MEOX2: variants seen among roughly 807,000 people sequenced by gnomAD.
MEOX2 encodes homeobox protein MOX-2.
In MEOX2, 11 loss-of-function variants were observed where a neutral mutation model predicts 27.0. That is an observed-to-expected ratio of 0.41 (90% CI 0.26 to 0.68). The LOEUF (loss-of-function observed/expected upper bound fraction) is 0.68. MEOX2 is among the 30% of genes least tolerant of loss of function. The probability of loss-of-function intolerance (pLI) is 0.33; values close to 1 mark genes in which losing one functional copy is unlikely to be tolerated. For synonymous variants in MEOX2, 189 were observed against 155.4 expected, an observed-to-expected ratio of 1.22 and a Z score of -1.61; for missense variants, 436 against 385.4, an observed-to-expected ratio of 1.13 and a Z score of -1.10.
rs1039857950 is a variant in MEOX2, at chr7:15,611,658, A to G, written c.*729T>C. The G allele has an allele frequency of 2.6e-5, 4 of 152,646 alleles. No individual in the cohort carries two copies. Among genetic ancestry groups the G allele is most frequent in the African/African-American group, 9.6e-5 (4 of 41,456 alleles). 9.5% of individuals were successfully genotyped at this position (152,646 alleles called of 1,614,324 possible). On this transcript the variant is annotated 3_prime_UTR_variant, in exon 3 of 3. Transcript: ENST00000262041. Reference sequence around the variant, plus strand: ...CTGTGGTACAAGAATATGTCCTATCAGACTCTACTGTATTTTTCTCTACTT... The same window carrying G: ...CTGTGGTACAAGAATATGTCCTATCGGACTCTACTGTATTTTTCTCTACTT...
intron 1 of MEOX2, among the ~76,000 whole-genome samples, chr7:15,635,825 A>G (rs1215510229): frequency 6.6e-6 from 1 of 152,018 alleles, no homozygotes; most frequent in Non-Finnish European, 1.5e-5. Context: ...TAATGTACAA[A>G]CGAAGCTGAA....
At chr7:15,613,629 A>G (rs907218469) in intron 2 of MEOX2, among the ~76,000 whole-genome samples, 1 of 152,132 alleles carries the variant, frequency 6.6e-6, no homozygotes, top group African/African-American at 2.4e-5. Context: ...TTAAAAAAGA[A>G]AACAAATTTT....
chr7:15,652,282 G>C (rs1427210900), intron 1 of MEOX2, among the ~76,000 whole-genome samples: 1 of 151,996 alleles, frequency 6.6e-6, no homozygotes, highest in East Asian at 1.9e-4. Flanking sequence ...TCATAAAGTA[G>C]AAAATGCATA....
Position 15,619,175 on chromosome 7 carries a change from A to C in MEOX2, c.691-6564T>G, listed in dbSNP as rs147764173. ...AGTAGAAAATTTTCTTAAAATTGAC[A>C]ATGCCAACACAAAACTTGCACGAGC... On this transcript the variant is annotated intron_variant, in intron 2 of 2. Coordinates refer to ENST00000262041, the MANE Select transcript of MEOX2 (RefSeq NM_005924.5). Among the ~76,000 whole-genome samples, 247 of 152,144 alleles carry C rather than the reference A, an allele frequency of 1.6e-3. 1 individual carries two copies. The highest frequency in any genetic ancestry group is 5.1e-3 in the African/African-American group (211 of 41,568).
At chr7:15,671,741 T>C (rs908351663) in intron 1 of MEOX2, among the ~76,000 whole-genome samples, 2 of 151,938 alleles carry the variant, frequency 1.3e-5, no homozygotes, top group East Asian at 3.9e-4. Context: ...ATAAAGGAGA[T>C]TTTTCATTTC....
intron 1 of MEOX2, among the ~76,000 whole-genome samples, chr7:15,667,288 T>TAAAAAAAAAA (rs1785560408): frequency 1.7e-4 from 1 of 6,028 alleles, no homozygotes. Context: ...AGACTCTGTC[T>TAAAAAAAAAA]CAAAAAAAAA....
At chr7:15,643,140 T>C (rs1048150504) in intron 1 of MEOX2, among the ~76,000 whole-genome samples, 5 of 152,206 alleles carry the variant, frequency 3.3e-5, no homozygotes, top group African/African-American at 9.6e-5. Flanking sequence ...GAAGTTGTGA[T>C]GGGACATGCA....
Position 15,612,449 on chromosome 7 carries a change from C to A in MEOX2, c.853G>T (p.Asp285Tyr). ...IGAATLQQTG[D>Y]SIANEDSHDS... Reference sequence around the variant, plus strand: ...TGACTGTCTTCATTTGCTATAGAGTCCCCTGTTTGCTGGAGGGTGGCTGCA... The same window carrying A: ...TGACTGTCTTCATTTGCTATAGAGTACCCTGTTTGCTGGAGGGTGGCTGCA... Residue 285 changes from aspartate to tyrosine, a missense_variant, in exon 3 of 3, where the codon GAC becomes TAC. Asp to Tyr is a radical substitution (Grantham distance 160). Coordinates refer to ENST00000262041, the MANE Select transcript of MEOX2 (RefSeq NM_005924.5). 1 of 1,614,102 alleles carries A rather than the reference C, an allele frequency of 6.2e-7. No individual in the cohort carries two copies. Among genetic ancestry groups the A allele is most frequent in the Non-Finnish European group, 8.5e-7 (1 of 1,179,994 alleles).
At chr7:15,623,301 T>A (rs1439968114) in intron 2 of MEOX2, among the ~76,000 whole-genome samples, 2 of 152,204 alleles carry the variant, frequency 1.3e-5, no homozygotes, top group Non-Finnish European at 2.9e-5. Flanking sequence ...ATATTTTTTC[T>A]GATAAATTCA....
intron 1 of MEOX2, among the ~76,000 whole-genome samples, chr7:15,643,298 C>A (rs564897015): frequency 6.6e-6 from 1 of 152,082 alleles, no homozygotes; most frequent in Non-Finnish European, 1.5e-5. Flanking sequence ...GGGGTATGTT[C>A]TGCACTCTGC....
intron 1 of MEOX2, among the ~76,000 whole-genome samples, chr7:15,659,493 G>T (rs918827482): frequency 6.6e-6 from 1 of 152,084 alleles, no homozygotes; most frequent in African/African-American, 2.4e-5. Context: ...CGGCGCGGTG[G>T]CTCACGCCTG....
intron 1 of MEOX2, among the ~76,000 whole-genome samples, chr7:15,647,923 C>T (rs527397059): frequency 6.6e-6 from 1 of 152,020 alleles, no homozygotes; most frequent in East Asian, 1.9e-4. Flanking sequence ...AATTTACAGA[C>T]CATGTTTTGG....
At chr7:15,642,691 T>C (rs1029470622) in intron 1 of MEOX2, among the ~76,000 whole-genome samples, 6 of 152,208 alleles carry the variant, frequency 3.9e-5, no homozygotes, top group African/African-American at 1.4e-4. Flanking sequence ...TGTTTCTTCA[T>C]GGTGCTAGAA....
chr7:15,626,560 C>T (rs2115360167), intron 2 of MEOX2, among the ~76,000 whole-genome samples, 186 bp downstream of exon 2: 1 of 151,916 alleles, frequency 6.6e-6, no homozygotes, highest in South Asian at 2.1e-4. Context: ...GTATGGTTTT[C>T]TTTCAAATAT....
At chr7:15,646,587 C>G (rs1781653698) in intron 1 of MEOX2, among the ~76,000 whole-genome samples, 1 of 151,962 alleles carries the variant, frequency 6.6e-6, no homozygotes, top group Admixed American at 6.6e-5. Context: ...ATTTTACAAA[C>G]AGAGCTCTAT....
chr7:15,643,861 C>T (rs1056956322), intron 1 of MEOX2, among the ~76,000 whole-genome samples: 1 of 152,154 alleles, frequency 6.6e-6, no homozygotes, highest in Non-Finnish European at 1.5e-5. Flanking sequence ...GGCACTGGGA[C>T]CAGACCAGCA....
chr7:15,627,387 G>A (rs893189819), intron 1 of MEOX2, among the ~76,000 whole-genome samples: 4 of 152,056 alleles, frequency 2.6e-5, no homozygotes, highest in Non-Finnish European at 5.9e-5. Flanking sequence ...TTTATGCTCA[G>A]ACTGAGCGTA....
chr7:15,671,233 G>C (rs1017538320), intron 1 of MEOX2, among the ~76,000 whole-genome samples: 16 of 152,010 alleles, frequency 1.1e-4, no homozygotes, highest in African/African-American at 3.6e-4. Flanking sequence ...CATCAGTGTT[G>C]AGAATTACTA....
intron 2 of MEOX2, among the ~76,000 whole-genome samples, chr7:15,623,582 C>T (rs1417428108): frequency 6.6e-6 from 1 of 152,138 alleles, no homozygotes; most frequent in Non-Finnish European, 1.5e-5. Flanking sequence ...GTTGGCCAGG[C>T]TGGTCTTGAA....
Sources: gnomAD v4.1 joint callset for allele counts (sites outside exome capture counted in the v4.1 genomes callset) on GRCh38, gnomAD v4.1.1 for gene constraint, MANE v1.5 for transcripts, NCBI Gene and HGNC (gene_info 2026-07-23, HGNC 2026-07-21) for gene names.